TRPM8: variants seen among roughly 807,000 people sequenced by gnomAD.
TRPM8 encodes transient receptor potential cation channel subfamily M member 8, also known as TRPM8 cationic channel.
A neutral mutation model predicts 133.7 loss-of-function variants in TRPM8; 110 were observed. The ratio of observed to expected loss-of-function variants is 0.82; its 90% CI spans 0.70 to 0.96. TRPM8 has a LOEUF of 0.96. Ranked by LOEUF, TRPM8 falls within the 40% of genes least tolerant of loss-of-function variation. TRPM8 has a pLI of 0.00. For synonymous variants in TRPM8, 535 were observed against 532.3 expected, an observed-to-expected ratio of 1.01 and a Z score of -0.07; for missense variants, 1,291 against 1,379.5, an observed-to-expected ratio of 0.94 and a Z score of 1.02.
At chr2:233,994,696 T>G (rs914142968) in intron 21 of TRPM8, among the ~76,000 whole-genome samples, 1 of 152,166 alleles carries the variant, frequency 6.6e-6, no homozygotes, top group African/African-American at 2.4e-5. Context: ...CGACATTTTT[T>G]TTTGCTTAAG....
chr2:233,967,422 G>A (rs932615366), intron 15 of TRPM8, among the ~76,000 whole-genome samples: 3 of 152,222 alleles, frequency 2.0e-5, no homozygotes, highest in African/African-American at 7.2e-5. Flanking sequence ...ACCAACGCTT[G>A]TCAGCCACAG....
rs142461337 is a variant in TRPM8 at position 234,010,166 on chromosome 2, G to T, written c.3264+2063G>T. ...CTCCTTCTTAGCCCCAGCGACCACC[G>T]TGCTACTCTCTGACTTGATGAGTTT... On this transcript the variant is annotated intron_variant, in intron 24 of 25. Coordinates refer to ENST00000324695, the MANE Select transcript of TRPM8 (RefSeq NM_024080.5). Among the ~76,000 whole-genome samples the T allele has an allele frequency of 3.8e-3, 574 of 152,084 alleles. 3 individuals are homozygous for T. Among genetic ancestry groups the T allele is most frequent in the African/African-American group, 0.013 (558 of 41,448 alleles).
intron 3 of TRPM8, 146 bp downstream of exon 3, chr2:233,930,887 C>A (rs1691667112): frequency 3.4e-6 from 2 of 587,588 alleles, no homozygotes; most frequent in Non-Finnish European, 6.0e-6. Flanking sequence ...CAGGAAGGAT[C>A]TGGCAAGGAG....
intron 17 of TRPM8, among the ~76,000 whole-genome samples, chr2:233,974,600 C>G (rs939404518): frequency 6.6e-6 from 1 of 152,166 alleles, no homozygotes; most frequent in African/African-American, 2.4e-5. Flanking sequence ...TCCTGGCAGG[C>G]CTTTTCTGGC....
intron 9 of TRPM8, chr2:233,953,681 A>G (rs2125141805): frequency 5.2e-6 from 2 of 383,342 alleles, no homozygotes; most frequent in African/African-American, 2.1e-5. Context: ...ACGCAGATGC[A>G]CACATCTCTA....
chr2:233,975,881 CAAACA>C (rs71400708), intron 17 of TRPM8, among the ~76,000 whole-genome samples: 5 of 150,578 alleles, frequency 3.3e-5, no homozygotes, highest in Admixed American at 6.6e-5. Flanking sequence ...GACTCCACCT[CAAACA>C]AAACAAAACA....
chr2:233,953,559 G>A (rs1691221056), intron 9 of TRPM8: 2 of 158,962 alleles, frequency 1.3e-5, no homozygotes, highest in Non-Finnish European at 2.7e-5. Flanking sequence ...GGCACACTTG[G>A]ATGGTGTCTA....
intron 22 of TRPM8, 127 bp downstream of exon 22, chr2:233,996,643 G>A (rs1217321650): frequency 2.2e-6 from 2 of 894,876 alleles, no homozygotes; most frequent in African/African-American, 3.3e-5. Flanking sequence ...CTGTACATCT[G>A]TAAAGATCAG....
chr2:233,948,558 C>T (rs1691098344), intron 8 of TRPM8, among the ~76,000 whole-genome samples: 1 of 152,228 alleles, frequency 6.6e-6, no homozygotes, highest in Non-Finnish European at 1.5e-5. Flanking sequence ...CATTTATTAT[C>T]TTACCAGATC....
At chr2:233,990,362 C>T (rs955633741) in intron 21 of TRPM8, among the ~76,000 whole-genome samples, 9 of 152,224 alleles carry the variant, frequency 5.9e-5, no homozygotes, top group Middle Eastern at 3.4e-3. Flanking sequence ...CTCTAGCAGC[C>T]GGTCAGAACG....
chr2:233,949,553 G>GTTA (rs1691125400), intron 8 of TRPM8, among the ~76,000 whole-genome samples: 1 of 152,142 alleles, frequency 6.6e-6, no homozygotes, highest in Non-Finnish European at 1.5e-5. Context: ...ATGAGTATTG[G>GTTA]TTACTACTAA....
chr2:233,953,730 G>A (rs116825048), intron 9 of TRPM8, 187 bp from the exon 10 acceptor site: 34 of 451,546 alleles, frequency 7.5e-5, no homozygotes, highest in Non-Finnish European at 1.2e-4. Context: ...GGGGCTTTTT[G>A]ATACGTGTAT....
intron 17 of TRPM8, among the ~76,000 whole-genome samples, chr2:233,974,997 T>G (rs1361983102): frequency 1.3e-5 from 2 of 152,306 alleles, no homozygotes; most frequent in Non-Finnish European, 2.9e-5. Context: ...TTTTTTGACC[T>G]GCAAGAGGTT....
intron 9 of TRPM8, among the ~76,000 whole-genome samples, chr2:233,950,605 G>A (rs189610565): frequency 5.3e-5 from 8 of 152,312 alleles, no homozygotes; most frequent in African/African-American, 1.9e-4. Context: ...AGGCAGCGCC[G>A]GACACCTGCT....
At chr2:233,940,944 G>A (rs907702093) in intron 5 of TRPM8, among the ~76,000 whole-genome samples, 5 of 152,258 alleles carry the variant, frequency 3.3e-5, no homozygotes, top group African/African-American at 9.6e-5. Flanking sequence ...GTGTAGTCAG[G>A]GTTCATGGCT....
intron 17 of TRPM8, 45 bp downstream of exon 17, chr2:233,970,471 GA>G: frequency 6.4e-7 from 1 of 1,565,236 alleles, no homozygotes; most frequent in Non-Finnish European, 8.8e-7. Context: ...TCCTCGGTGG[GA>G]GGCATCTTTC....
intron 5 of TRPM8, among the ~76,000 whole-genome samples, chr2:233,942,071 CT>C (rs796852025): frequency 0.012 from 1,301 of 111,666 alleles, 2 homozygotes; most frequent in Non-Finnish European, 0.017. Context: ...GGTCAAGAAT[CT>C]TTTTTTTTTT....
chr2:233,953,308 T>C (rs1327751274), intron 9 of TRPM8, among the ~76,000 whole-genome samples: 2 of 152,252 alleles, frequency 1.3e-5, no homozygotes, highest in Non-Finnish European at 2.9e-5. Flanking sequence ...CTCAGTCTAA[T>C]GGAAACCAGA....
At chr2:233,982,398 A>G (rs1037793031) in intron 19 of TRPM8, among the ~76,000 whole-genome samples, 1 of 152,228 alleles carries the variant, frequency 6.6e-6, no homozygotes, top group African/African-American at 2.4e-5. Context: ...AGAAAGAATT[A>G]CACATGGATG....
Sources: allele counts gnomAD v4.1 joint callset (sites outside exome capture counted in the v4.1 genomes callset), GRCh38; gene constraint gnomAD v4.1.1; transcripts MANE v1.5; gene names NCBI Gene and HGNC (gene_info 2026-07-23, HGNC 2026-07-21).